RASGRP2: variants seen among roughly 807,000 people sequenced by gnomAD.
RASGRP2 encodes the protein RAS guanyl-releasing protein 2.
Under a neutral mutation model 71.0 loss-of-function variants are expected in RASGRP2, and 44 were observed. The ratio of observed to expected loss-of-function variants is 0.62; its 90% CI spans 0.49 to 0.80. The LOEUF (loss-of-function observed/expected upper bound fraction) is 0.80, where lower values mean the gene tolerates loss of function less well. Among genes scored for constraint, RASGRP2 ranks in the 30% least tolerant of loss-of-function variants. The pLI is 0.00. For missense variants in RASGRP2, 663 were observed against 813.4 expected, an observed-to-expected ratio of 0.82 and a Z score of 2.25; for synonymous variants, 350 against 330.7, an observed-to-expected ratio of 1.06 and a Z score of -0.63.
chr11:64,744,247 G>A, upstream of RASGRP2: 1 of 985,672 alleles, frequency 1.0e-6, no homozygotes. Flanking sequence ...CCCGCCCTGC[G>A]GCCCCAGCTC....
At position 64,739,359 on chromosome 11, in the gene RASGRP2, C is replaced by A; in HGVS notation, c.813+1G>T. On this transcript the variant is annotated splice_donor_variant, in intron 8 of 16. Transcript: ENST00000394432. LOFTEE classifies it high-confidence loss of function. The surrounding 1 kb of genome is among the most constrained non-coding windows in gnomAD (Gnocchi z 4.2). ...ACCGGCCCCTCCCCAGTCCCAGGCA[C>A]CTTGATGGTCTCAGGGCTAACGTGG... 4 of 1,613,656 alleles carry A rather than the reference C, an allele frequency of 2.5e-6. No homozygotes were observed. The highest frequency in any genetic ancestry group is 3.4e-6 in the Non-Finnish European group (4 of 1,179,592).
intron 8 of RASGRP2, among the ~76,000 whole-genome samples, chr11:64,737,654 T>C (rs2057985381): frequency 7.8e-6 from 1 of 127,878 alleles, no homozygotes. Context: ...CACTCCAGCC[T>C]GGCGACAGAG....
chr11:64,728,786 C>T (rs2057659614), intron 15 of RASGRP2, 77 bp downstream of exon 15: 22 of 1,394,834 alleles, frequency 1.6e-5, no homozygotes, highest in Non-Finnish European at 2.1e-5. Flanking sequence ...TTTGGAATGG[C>T]TTCCATCCTG....
chr11:64,734,519 C>T (rs2284301), intron 12 of RASGRP2, among the ~76,000 whole-genome samples: 23,190 of 151,626 alleles, frequency 0.15, 2,198 homozygotes, highest in East Asian at 0.39. Context: ...TTTATTTTAC[C>T]GTGGATTTTT....
In RASGRP2 at chr11:64,740,983, G is replaced by A. The variant is rs1248032752; in HGVS notation, c.336C>T (p.Asn112=). 1 of 1,613,806 alleles carries A rather than the reference G, an allele frequency of 6.2e-7. No homozygotes were observed. The highest frequency in any genetic ancestry group is 1.3e-5 in the African/African-American group (1 of 74,848). ...TGTCGATTAGGCTGCTGTGCCGTCG[G>A]TTCCCTTCTTGGTCTAGCAGAGCCT... ...ELKALLDQEG[N]RRHSSLIDID... is the part of the protein sequence containing the mutation. Residue 112 remains asparagine, a synonymous_variant, in exon 5 of 17, where the codon AAC becomes AAT. Transcript: ENST00000394432.
At chr11:64,744,773 G>C (rs1369321608), upstream of RASGRP2, 1 of 150,464 alleles carries the variant, frequency 6.6e-6, no homozygotes, top group Admixed American at 6.6e-5. Context: ...GCCCGCACCG[G>C]CCTGGCCGAC....
chr11:64,730,008 T>C (rs761434114), intron 13 of RASGRP2, 45 bp downstream of exon 13: 2 of 1,540,114 alleles, frequency 1.3e-6, no homozygotes, highest in Non-Finnish European at 1.8e-6. Flanking sequence ...GGGCCGGGGC[T>C]GGAGGGGCGT....
chr11:64,735,756 T>C lies in RASGRP2; in HGVS notation c.1174-92A>G. ...GAGGGGAATCCCTGGGAGAGGGAAGTCTGCCCAACACTACTGCCCTACCCC... is the reference window on the plus strand; with the variant it reads ...GAGGGGAATCCCTGGGAGAGGGAAGCCTGCCCAACACTACTGCCCTACCCC... On this transcript the variant is annotated intron_variant, in intron 10 of 16. Coordinates refer to ENST00000394432, the MANE Select transcript of RASGRP2 (RefSeq NM_001098671.2). The surrounding 1 kb of genome is among the most constrained non-coding windows in gnomAD (Gnocchi z 4.2). 1.3e-6 allele frequency: 2 copies of C among 1,523,856 alleles called. No homozygotes were observed. Among genetic ancestry groups the C allele is most frequent in the Admixed American group, 3.9e-5 (2 of 51,158 alleles). 94.4% of individuals were successfully genotyped at this position (1,523,856 alleles called of 1,614,324 possible).
chr11:64,730,780 G>C (rs921308707), intron 12 of RASGRP2, among the ~76,000 whole-genome samples: 1 of 152,228 alleles, frequency 6.6e-6, no homozygotes, highest in Admixed American at 6.5e-5. Context: ...CCTGCCTCTT[G>C]ACCTGTAGCG....
chr11:64,735,655 G>A lies in RASGRP2; in HGVS notation c.1183C>T (p.Pro395Ser). ...CGGGGTGGTGGGGTGCAACTCGTGG[G>A]GCTGGTTGGCTATGGAAATGGTCGG... ...EPRSKSSPTS[P>S]TSCTPPPRPP... Residue 395 changes from proline to serine, a missense_variant, in exon 11 of 17, where the codon CCC (proline) becomes TCC (serine). Transcript: ENST00000394432. The surrounding 1 kb of genome is among the most constrained non-coding windows in gnomAD (Gnocchi z 4.2). 6.2e-7 allele frequency: 1 copy of A among 1,611,680 alleles called. No homozygotes were observed. The highest frequency in any genetic ancestry group is 8.5e-7 in the Non-Finnish European group (1 of 1,179,244).
At chr11:64,744,261 GACTCCCCTC>G, upstream of RASGRP2, 1 of 985,588 alleles carries the variant, frequency 1.0e-6, no homozygotes, top group African/African-American at 1.7e-5. Context: ...CCAGCTCCCT[GACTCCCCTC>G]ACTCCCAGAT....
At chr11:64,730,923 G>C (rs914027248) in intron 12 of RASGRP2, among the ~76,000 whole-genome samples, 1 of 152,226 alleles carries the variant, frequency 6.6e-6, no homozygotes, top group African/African-American at 2.4e-5. Context: ...TGCACAGATA[G>C]GAGGGTCCTC....
Position 64,730,248 on chromosome 11 carries a change from C to T in RASGRP2, c.1413-54G>A, listed in dbSNP as rs535285672. 97 of 1,549,818 alleles carry T rather than the reference C, an allele frequency of 6.3e-5. No individual in the cohort carries two copies. In the South Asian group the frequency reaches 1.0e-3, roughly 17 times the overall value. On this transcript the variant is annotated intron_variant, in intron 12 of 16. Coordinates refer to ENST00000394432, the MANE Select transcript of RASGRP2 (RefSeq NM_001098671.2). ...TCGGGCCCTCCCCAGAACCATCCAC[C>T]GCTGGCCTAACCCATCCCACTGTTC...
Position 64,743,616 on chromosome 11 carries a change from A to T in RASGRP2, c.-72+387T>A. 2.5e-6 allele frequency: 1 copy of T among 400,106 alleles called. No homozygotes were observed. The highest frequency in any genetic ancestry group is 4.9e-6 in the Non-Finnish European group (1 of 203,984). 24.8% of individuals were successfully genotyped at this position (400,106 alleles called of 1,614,324 possible). On this transcript the variant is annotated intron_variant, in intron 1 of 16. Coordinates refer to ENST00000394432, the MANE Select transcript of RASGRP2 (RefSeq NM_001098671.2). This position sits in a 1 kb window ranked among gnomAD's most constrained non-coding sequence, Gnocchi z 4.9. Reference sequence around the variant, plus strand: ...GAGCGCTCCCAGGCCACCTCCGCAAAGGTCCCAGGGGTCCCGGCTCAGCTT... The same window carrying T: ...GAGCGCTCCCAGGCCACCTCCGCAATGGTCCCAGGGGTCCCGGCTCAGCTT...
At position 64,742,702 on chromosome 11, in the gene RASGRP2, G is replaced by C. The variant is rs888855634; in HGVS notation, c.73+92C>G. On this transcript the variant is annotated intron_variant, in intron 2 of 16. Transcript: ENST00000394432. This position sits in a 1 kb window ranked among gnomAD's most constrained non-coding sequence, Gnocchi z 4.7. ...TGCGGAGCAGGGTGGGTCCGGGTCA[G>C]GGCTGTGCCCTGGACTGTGCCTGGG... 231 of 1,523,126 alleles carry C rather than the reference G, an allele frequency of 1.5e-4. No individual in the cohort carries two copies. The highest frequency in any genetic ancestry group is 1.8e-4 in the Non-Finnish European group (200 of 1,124,640). 94.4% of individuals were successfully genotyped at this position (1,523,126 alleles called of 1,614,324 possible).
At chr11:64,728,679 C>T (rs576973844) in intron 15 of RASGRP2, among the ~76,000 whole-genome samples, 184 bp downstream of exon 15, 14 of 152,226 alleles carry the variant, frequency 9.2e-5, no homozygotes, top group East Asian at 1.9e-4. Context: ...GTGATCCGCC[C>T]GCCTCGGCCT....
chr11:64,745,413 A>G (rs778643376), upstream of RASGRP2: 3 of 152,440 alleles, frequency 2.0e-5, no homozygotes, highest in Non-Finnish European at 4.4e-5. Context: ...CAAGATGGGA[A>G]TATTTTGGGG....
intron 9 of RASGRP2, among the ~76,000 whole-genome samples, chr11:64,736,205 A>T (rs1315947620): frequency 2.0e-5 from 3 of 152,190 alleles, no homozygotes; most frequent in African/African-American, 7.2e-5. Context: ...TATTGCCAAG[A>T]TGTCAGGGAA....
At chr11:64,732,325 C>T (rs181479306) in intron 12 of RASGRP2, among the ~76,000 whole-genome samples, 5 of 150,700 alleles carry the variant, frequency 3.3e-5, no homozygotes, top group Non-Finnish European at 5.9e-5. Flanking sequence ...GAGTTCAAGA[C>T]CAGCCTGGCC....
Sources: gnomAD v4.1 joint callset for allele counts (sites outside exome capture counted in the v4.1 genomes callset) on GRCh38, gnomAD v4.1.1 for gene constraint, Gnocchi (gnomAD v3.1) non-coding constraint, MANE v1.5 for transcripts, NCBI Gene and HGNC (gene_info 2026-07-23, HGNC 2026-07-21) for gene names.